Variants in RALGPS1 observed in about 807,000 individuals in gnomAD.
The protein encoded by RALGPS1 is Ral GEF with PH domain and SH3 binding motif 1, also known as ras-specific guanine nucleotide-releasing factor RalGPS1.
A neutral mutation model predicts 78.8 loss-of-function variants in RALGPS1; 19 were observed. The observed-to-expected ratio is 0.24, with a 90% CI of 0.17 to 0.35. The LOEUF is 0.35. Ranked by LOEUF, RALGPS1 falls within the 10% of genes least tolerant of loss-of-function variation. The pLI is 1.00. For synonymous variants in RALGPS1, 228 were observed against 256.3 expected (o/e 0.89, Z 1.06); for missense variants, 454 against 688.3 (o/e 0.66, Z 3.81).
rs1465446292 is a variant in RALGPS1 at position 127,208,107 on chromosome 9, C to T, written c.1248-4024C>T. On this transcript the variant is annotated intron_variant, in intron 14 of 18. Transcript: ENST00000259351. The stretch of plus-strand genomic sequence containing the variant: ...GTGAAAGCATGTAGTTGGCACGTGG[C>T]GTGCAGTTGAGTAGAGGCAGCTGCT... Among the ~76,000 whole-genome samples, 5 of 152,188 alleles carry T rather than the reference C, an allele frequency of 3.3e-5. No homozygotes were observed. The South Asian group carries it at 6.2e-4, about 19-fold the overall frequency.
chr9:126,926,867 C>T (rs752877409), intron 1 of RALGPS1, among the ~76,000 whole-genome samples: 19 of 151,870 alleles, frequency 1.3e-4, no homozygotes, highest in Admixed American at 5.3e-4. Context: ...GGAGGAAGGG[C>T]GATATCAGAG....
intron 7 of RALGPS1, among the ~76,000 whole-genome samples, chr9:127,067,041 C>T (rs1195757863): frequency 6.6e-5 from 10 of 152,060 alleles, no homozygotes; most frequent in Admixed American, 6.6e-4. Context: ...AATCAAGTTC[C>T]CCAAAGATAT....
At chr9:127,172,564 G>C (rs2059621133) in intron 10 of RALGPS1, among the ~76,000 whole-genome samples, 1 of 152,192 alleles carries the variant, frequency 6.6e-6, no homozygotes, top group South Asian at 2.1e-4. Flanking sequence ...CGTGTTGGAT[G>C]CTCTCTGCCC....
In RALGPS1 at chr9:127,183,634, C is replaced by T. The variant is rs2060430793; in HGVS notation, c.910+8852C>T. On this transcript the variant is annotated intron_variant, in intron 11 of 18. Transcript: ENST00000259351. This position sits in a 1 kb window ranked among gnomAD's most constrained non-coding sequence, Gnocchi z 4.0. ...GACTGCTAGAGACATAGTTCAACCTCCGCAGGGGGTCTGTGGAGACTCCGC... is the reference window on the plus strand; with the variant it reads ...GACTGCTAGAGACATAGTTCAACCTTCGCAGGGGGTCTGTGGAGACTCCGC... 6.6e-6 allele frequency among the ~76,000 whole-genome samples: 1 copy of T among 152,128 alleles called. No homozygotes were observed. Among genetic ancestry groups the T allele is most frequent in the Admixed American group, 6.5e-5 (1 of 15,278 alleles).
chr9:126,969,911 CT>C (rs2039938344), intron 3 of RALGPS1, among the ~76,000 whole-genome samples: 2 of 152,268 alleles, frequency 1.3e-5, no homozygotes, highest in Non-Finnish European at 2.9e-5. Flanking sequence ...GCTAGTATGT[CT>C]TCAGCTTACA....
chr9:127,022,362 G>A (rs1049966866), intron 4 of RALGPS1, among the ~76,000 whole-genome samples: 2 of 151,772 alleles, frequency 1.3e-5, no homozygotes, highest in Non-Finnish European at 2.9e-5. Flanking sequence ...TACCAAACTT[G>A]ATTCTAGTAT....
chr9:127,078,220 G>C (rs1306647166), intron 8 of RALGPS1, among the ~76,000 whole-genome samples: 1 of 152,176 alleles, frequency 6.6e-6, no homozygotes, highest in Non-Finnish European at 1.5e-5. Flanking sequence ...TTGAAGAGTG[G>C]TTAGCTACAT....
Position 127,108,201 on chromosome 9 carries a change from C to T in RALGPS1, c.610+38845C>T, listed in dbSNP as rs978909963. On this transcript the variant is annotated intron_variant, in intron 8 of 18. Transcript: ENST00000259351. ...GGTGCTGGTACTTGTGCTCCAGGTC[C>T]TTGTACTTGCTGGCCAGCTGCAGCA... 7 of 1,613,942 alleles carry T rather than the reference C, an allele frequency of 4.3e-6. No individual in the cohort carries two copies. In the Admixed American group the frequency reaches 1.2e-4, roughly 27 times the overall value.
intron 1 of RALGPS1, among the ~76,000 whole-genome samples, chr9:126,938,828 C>A (rs745363271): frequency 6.6e-6 from 1 of 152,196 alleles, no homozygotes; most frequent in Non-Finnish European, 1.5e-5. Flanking sequence ...CCTAGGGCAT[C>A]ACTGAGATTT....
intron 8 of RALGPS1, among the ~76,000 whole-genome samples, chr9:127,160,592 G>T (rs1297025580): frequency 3.9e-5 from 6 of 152,196 alleles, no homozygotes; most frequent in Non-Finnish European, 8.8e-5. Flanking sequence ...TAGCCATGGG[G>T]CAGATGCCAG....
intron 14 of RALGPS1, among the ~76,000 whole-genome samples, chr9:127,208,966 A>G (rs1216831790): frequency 6.6e-6 from 1 of 152,212 alleles, no homozygotes; most frequent in Admixed American, 6.5e-5. Context: ...GTAGCGGGGA[A>G]AAAGACTCAC....
At chr9:127,031,326 C>T (rs2046415799) in intron 4 of RALGPS1, among the ~76,000 whole-genome samples, 1 of 152,226 alleles carries the variant, frequency 6.6e-6, no homozygotes, top group South Asian at 2.1e-4. Flanking sequence ...TCCTGTAAGA[C>T]CAAACACAGA....
chr9:127,152,989 C>T (rs1048273000), intron 8 of RALGPS1, among the ~76,000 whole-genome samples: 8 of 152,170 alleles, frequency 5.3e-5, no homozygotes, highest in Admixed American at 2.0e-4. Context: ...AATAACTCAC[C>T]CAGAATCACA....
chr9:126,967,639 T>A (rs1303908478), intron 3 of RALGPS1, among the ~76,000 whole-genome samples: 1 of 152,148 alleles, frequency 6.6e-6, no homozygotes, highest in East Asian at 1.9e-4. Context: ...CTGGCTCAAG[T>A]GATCCTCCTG....
intron 5 of RALGPS1, among the ~76,000 whole-genome samples, chr9:127,035,982 A>G (rs2046832336): frequency 6.6e-6 from 1 of 152,122 alleles, no homozygotes; most frequent in South Asian, 2.1e-4. Context: ...GAGCCAACTC[A>G]GTCCCCACCT....
At chr9:127,200,317 A>C (rs1474954805) in intron 14 of RALGPS1, among the ~76,000 whole-genome samples, 2 of 152,380 alleles carry the variant, frequency 1.3e-5, no homozygotes, top group Non-Finnish European at 2.9e-5. Context: ...TGTGCCAAGC[A>C]CTGTCCTGGT....
intron 8 of RALGPS1, among the ~76,000 whole-genome samples, chr9:127,081,719 A>C (rs2051192896): frequency 1.3e-5 from 2 of 152,200 alleles, no homozygotes; most frequent in Admixed American, 1.3e-4. Context: ...CTCTCCTGGT[A>C]CTGTGAGCCC....
At chr9:127,207,016 C>T (rs1161228116) in intron 14 of RALGPS1, among the ~76,000 whole-genome samples, 4 of 152,048 alleles carry the variant, frequency 2.6e-5, no homozygotes, top group Non-Finnish European at 5.9e-5. Context: ...TAGTGCCTAC[C>T]TCACAGTGTT....
At chr9:126,929,729 G>T (rs184528008) in intron 1 of RALGPS1, among the ~76,000 whole-genome samples, 206 of 152,262 alleles carry the variant, frequency 1.4e-3, no homozygotes, top group Admixed American at 2.3e-3. Flanking sequence ...CTCCCAAAGT[G>T]CTGGGATTAC....
Sources: gnomAD v4.1 joint callset for allele counts (sites outside exome capture counted in the v4.1 genomes callset) on GRCh38, gnomAD v4.1.1 for gene constraint, Gnocchi (gnomAD v3.1) non-coding constraint, MANE v1.5 for transcripts, NCBI Gene and HGNC (gene_info 2026-07-23, HGNC 2026-07-21) for gene names.